The following ZNF711 variants were observed in gnomAD, a reference collection of about 807,000 sequenced individuals.
The protein encoded by ZNF711 is zinc finger protein 711.
In ZNF711, 3 loss-of-function variants were observed where a neutral mutation model predicts 43.5. That is an observed-to-expected ratio of 0.07 (90% CI 0.03 to 0.18). The LOEUF is 0.18. ZNF711 is among the 10% of genes least tolerant of loss of function. The pLI is 1.00. For missense variants in ZNF711, 412 were observed against 604.0 expected (o/e 0.68, Z 3.33); for synonymous variants, 209 against 207.7 (o/e 1.01, Z -0.06).
rs1395452785 is a variant in ZNF711, at chrX:85,246,969, G to C, written c.-246G>C. 3.4e-6 allele frequency: 1 copy of C among 296,095 alleles called. No individual in the cohort carries two copies. Among genetic ancestry groups the C allele is most frequent in the Non-Finnish European group, 5.9e-6 (1 of 170,132 alleles). 24.4% of individuals were successfully genotyped at this position (296,095 alleles called of 1,213,427 possible). Reference sequence around the variant, plus strand: ...TCATGAGTCCTCAAAACTGAGACAAGAGAATGTAGTAGAGTGAGGCCAGAA... The same window carrying C: ...TCATGAGTCCTCAAAACTGAGACAACAGAATGTAGTAGAGTGAGGCCAGAA... On this transcript the variant is annotated 5_prime_UTR_variant, in exon 3 of 11. Transcript: ENST00000674551.
chrX:85,265,885 T>G (rs895539815), intron 7 of ZNF711, among the ~76,000 whole-genome samples: 1 of 111,231 alleles, frequency 9.0e-6, no homozygotes, highest in Non-Finnish European at 1.9e-5. Flanking sequence ...GCCAGGAGTT[T>G]GATTTCCTAT....
intron 9 of ZNF711, among the ~76,000 whole-genome samples, chrX:85,268,852 G>C (rs929512432): frequency 1.8e-5 from 2 of 111,122 alleles, no homozygotes; most frequent in Admixed American, 1.9e-4. Context: ...TAAGCAAGGA[G>C]ATATTTTCTT....
chrX:85,263,241 G>T (rs1197881790), intron 5 of ZNF711, among the ~76,000 whole-genome samples: 1 of 110,711 alleles, frequency 9.0e-6, no homozygotes, highest in East Asian at 2.8e-4. Context: ...GTATTCATGT[G>T]AACTTAAATG....
intron 4 of ZNF711, among the ~76,000 whole-genome samples, chrX:85,251,322 A>G (rs1929533188): frequency 8.9e-6 from 1 of 112,153 alleles, no homozygotes; most frequent in African/African-American, 3.2e-5. Flanking sequence ...ACTTTGTTCA[A>G]TAACCTTGCT....
At chrX:85,248,504 T>A (rs1332397830) in intron 4 of ZNF711, among the ~76,000 whole-genome samples, 1 of 104,268 alleles carries the variant, frequency 9.6e-6, no homozygotes, top group Non-Finnish European at 2.0e-5. Flanking sequence ...AAAAGACTCC[T>A]TACTCTTGTG....
intron 8 of ZNF711, among the ~76,000 whole-genome samples, 181 bp downstream of exon 8, chrX:85,267,596 A>G (rs1466291386): frequency 8.9e-6 from 1 of 111,879 alleles, no homozygotes; most frequent in African/African-American, 3.2e-5. Context: ...ACCTTGTACT[A>G]TTTAAAATGA....
intron 8 of ZNF711, among the ~76,000 whole-genome samples, chrX:85,267,855 AT>A (rs1252496780): frequency 1.8e-5 from 2 of 111,245 alleles, no homozygotes; most frequent in African/African-American, 6.5e-5. Context: ...TTATCAACTT[AT>A]TTTTCCCTTT....
chrX:85,250,842 A>G (rs1465946186), intron 4 of ZNF711, among the ~76,000 whole-genome samples: 1 of 111,259 alleles, frequency 9.0e-6, no homozygotes, highest in Non-Finnish European at 1.9e-5. Flanking sequence ...TATTTTTGAT[A>G]TGCAGTTCCC....
In ZNF711 at chrX:85,249,979, C is replaced by T. The variant is rs1213081540; in HGVS notation, c.79+2328C>T. Among the ~76,000 whole-genome samples, 13 of 112,099 alleles carry T rather than the reference C, an allele frequency of 1.2e-4. No homozygotes were observed. In the Admixed American group the frequency reaches 1.2e-3, roughly 11 times the overall value. ...TGGTCGTTGTGTCTGGCTTCTTTCA[C>T]TTAGCATGTTTTTAAGTGTCATCCA... is the stretch of plus-strand genomic sequence containing the variant. On this transcript the variant is annotated intron_variant, in intron 4 of 10. Coordinates refer to ENST00000674551, the MANE Select transcript of ZNF711 (RefSeq NM_001330574.2).
rs781442441 is a variant in ZNF711, at chrX:85,268,460, C to T, written c.1102+119C>T. On this transcript the variant is annotated intron_variant, in intron 9 of 10. Transcript: ENST00000674551. Reference sequence around the variant, plus strand: ...TTTGTTGGACTCTTACTTGCTTAGTCATACCTAATCTAGTTAGTTAGGAGT... The same window carrying T: ...TTTGTTGGACTCTTACTTGCTTAGTTATACCTAATCTAGTTAGTTAGGAGT... The T allele has an allele frequency of 2.3e-5, 18 of 788,011 alleles. No homozygotes were observed. In the African/African-American group the frequency reaches 2.5e-4, roughly 11 times the overall value. 64.9% of individuals were successfully genotyped at this position (788,011 alleles called of 1,213,427 possible). A position where few individuals can be genotyped will look rare whatever the true frequency, so the allele number is the denominator to read the frequency against.
chrX:85,269,957 A>T, intron 9 of ZNF711, 46 bp from the exon 10 acceptor site: 1 of 1,194,656 alleles, frequency 8.4e-7, no homozygotes, highest in Non-Finnish European at 1.1e-6. Flanking sequence ...GAACCAAAAA[A>T]GTATAAATGT....
chrX:85,267,227 C>T, intron 7 of ZNF711, 51 bp from the exon 8 acceptor site: 1 of 940,457 alleles, frequency 1.1e-6, no homozygotes, highest in East Asian at 3.9e-5. Flanking sequence ...AATTTTTACC[C>T]ACTTATTAAA....
chrX:85,255,512 C>T lies in ZNF711; in HGVS notation c.333C>T (p.His111=). 8.3e-7 allele frequency: 1 copy of T among 1,211,876 alleles called. No individual in the cohort carries two copies. Among genetic ancestry groups the T allele is most frequent in the Non-Finnish European group, 1.1e-6 (1 of 895,564 alleles). Residue 111 remains histidine (H), a synonymous_variant, in exon 5 of 11, where the codon CAC becomes CAT. Transcript: ENST00000674551. ...EEDLEEDDGD[H]ILTSELITET... is the part of the protein sequence containing the mutation. Reference sequence around the variant, plus strand: ...ATTTAGAGGAAGATGATGGTGATCACATCTTGACTTCTGAACTAATTACAG... The same window carrying T: ...ATTTAGAGGAAGATGATGGTGATCATATCTTGACTTCTGAACTAATTACAG...
At chrX:85,246,653 T>C (rs1019989200) in intron 2 of ZNF711, among the ~76,000 whole-genome samples, 1 of 112,086 alleles carries the variant, frequency 8.9e-6, no homozygotes, top group African/African-American at 3.2e-5. Flanking sequence ...CTTAGAATCT[T>C]ATGTTTGAAG....
In ZNF711 at chrX:85,267,343, C is replaced by A; in HGVS notation, c.982C>A (p.Leu328Ile). 6.1e-6 allele frequency: 7 copies of A among 1,145,265 alleles called. No homozygotes were observed. The highest frequency in any genetic ancestry group is 8.1e-6 in the Non-Finnish European group (7 of 867,021). 94.4% of individuals were successfully genotyped at this position (1,145,265 alleles called of 1,213,427 possible). ...VIVGEEEGTS[L>I]PEIQLEDSDV... Reference sequence around the variant, plus strand: ...TGTAGGGGAAGAGGAAGGAACTTCTCTCCCTGAGATTCAGCTTGAGGACTC... The same window carrying A: ...TGTAGGGGAAGAGGAAGGAACTTCTATCCCTGAGATTCAGCTTGAGGACTC... The change falls in exon 8 of 11, where the codon CTC becomes ATC. Residue 328 changes from leucine (L) to isoleucine (I), a missense_variant. By Grantham distance (5) the Leu-to-Ile change is conservative (BLOSUM62 2). Transcript: ENST00000674551.
intron 4 of ZNF711, among the ~76,000 whole-genome samples, chrX:85,249,978 A>T (rs1485508437): frequency 1.8e-5 from 2 of 111,953 alleles, no homozygotes; most frequent in African/African-American, 6.5e-5. Context: ...GGCTTCTTTC[A>T]CTTAGCATGT....
In ZNF711 at chrX:85,265,192, A is replaced by T. The variant is rs766264816; in HGVS notation, c.853A>T (p.Met285Leu). The T allele has an allele frequency of 3.3e-6, 4 of 1,209,122 alleles. No individual in the cohort carries two copies. In the East Asian group the frequency reaches 1.2e-4, roughly 36 times the overall value. ...AGCTGGAGTGCTTGACCAGAGCCGA[A>T]TGCAGCGGGAGAAGATGGTTTACAT... is the stretch of plus-strand genomic sequence containing the variant. ...SVAGVLDQSR[M>L]QREKMVYMAV... is the part of the protein sequence containing the mutation. The change falls in exon 7 of 11, where the codon ATG (methionine) becomes TTG (leucine). Residue 285 changes from methionine (M) to leucine (L), a missense_variant. Physicochemically the swap from Met to Leu is conservative, Grantham distance 15. This residue lies in a region of ZNF711 where 375 missense variants were observed against 514.2 expected (regional missense o/e 0.73). Coordinates refer to ENST00000674551, the MANE Select transcript of ZNF711 (RefSeq NM_001330574.2).
intron 4 of ZNF711, among the ~76,000 whole-genome samples, chrX:85,254,333 G>A (rs553201413): frequency 0.035 from 2,686 of 77,361 alleles, 108 homozygotes; most frequent in African/African-American, 0.078. Context: ...GGCCGGGCGC[G>A]GTGGCTCACG....
intron 4 of ZNF711, among the ~76,000 whole-genome samples, chrX:85,251,002 C>A (rs1311356909): frequency 9.0e-6 from 1 of 111,022 alleles, no homozygotes; most frequent in Admixed American, 9.6e-5. Flanking sequence ...TGAAAGCAGC[C>A]CCCCCATGCT....
Sources: gnomAD v4.1 joint callset for allele counts (sites outside exome capture counted in the v4.1 genomes callset) on GRCh38, gnomAD v4.1.1 for gene constraint, gnomAD v4.1.1 regional missense constraint, MANE v1.5 for transcripts, NCBI Gene and HGNC (gene_info 2026-07-23, HGNC 2026-07-21) for gene names.